The following GARRE1 variants were observed in gnomAD, a reference collection of about 807,000 sequenced individuals.
The protein encoded by GARRE1 is granule associated Rac and RHOG effector protein 1.
A neutral mutation model predicts 103.2 loss-of-function variants in GARRE1; 49 were observed. That is an observed-to-expected ratio of 0.47 (90% CI 0.38 to 0.60). The LOEUF (loss-of-function observed/expected upper bound fraction) is 0.60. GARRE1 is among the 20% of genes least tolerant of loss of function. The pLI is 0.00. For missense variants in GARRE1, 1,199 were observed against 1,370.5 expected, an observed-to-expected ratio of 0.87 and a Z score of 1.98; for synonymous variants, 505 against 532.8, an observed-to-expected ratio of 0.95 and a Z score of 0.72.
intron 10 of GARRE1, among the ~76,000 whole-genome samples, chr19:34,343,042 A>G (rs2074194637): frequency 6.6e-6 from 1 of 152,244 alleles, no homozygotes; most frequent in African/African-American, 2.4e-5. Context: ...AGAAAGAAAA[A>G]TAGAGTAGAA....
Position 34,355,176 on chromosome 19 carries a change from C to T in GARRE1, c.*2221C>T, listed in dbSNP as rs1292326764. The T allele has an allele frequency of 6.5e-6, 1 of 152,676 alleles. No homozygotes were observed. The highest frequency in any genetic ancestry group is 1.5e-5 in the Non-Finnish European group (1 of 68,050). 9.5% of individuals were successfully genotyped at this position (152,676 alleles called of 1,614,324 possible). A position where few individuals can be genotyped will look rare whatever the true frequency, so the allele number is the denominator to read the frequency against. On this transcript the variant is annotated 3_prime_UTR_variant, in exon 14 of 14. Coordinates refer to ENST00000299505, the MANE Select transcript of GARRE1 (RefSeq NM_014686.5). ...CAGAGGTCAATCCTTGATGCTCCAG[C>T]ACAGGTGACGTCACTAATTGTCACT...
At chr19:34,343,125 A>C (rs565703789) in intron 10 of GARRE1, among the ~76,000 whole-genome samples, 1 of 152,350 alleles carries the variant, frequency 6.6e-6, no homozygotes, top group African/African-American at 2.4e-5. Context: ...AGCTTGATTA[A>C]GGGAGAACAA....
chr19:34,265,588 T>C (rs1431240871), intron 1 of GARRE1: 3 of 152,226 alleles, frequency 2.0e-5, no homozygotes, highest in African/African-American at 7.2e-5. Context: ...GTTTGTTGCC[T>C]GGACTTGGGA....
chr19:34,321,461 G>GT (rs943139006), intron 3 of GARRE1, among the ~76,000 whole-genome samples: 242 of 141,866 alleles, frequency 1.7e-3, no homozygotes, highest in Admixed American at 1.3e-3. Flanking sequence ...ACTTCATGAA[G>GT]TTTTTTTTTT....
At chr19:34,276,337 C>T (rs1360447999) in intron 1 of GARRE1, among the ~76,000 whole-genome samples, 1 of 152,144 alleles carries the variant, frequency 6.6e-6, no homozygotes, top group Non-Finnish European at 1.5e-5. Flanking sequence ...GCACCTGTGC[C>T]CAGCCCATCC....
chr19:34,281,197 T>A (rs1352445582), intron 1 of GARRE1, among the ~76,000 whole-genome samples: 1 of 152,192 alleles, frequency 6.6e-6, no homozygotes, highest in Non-Finnish European at 1.5e-5. Flanking sequence ...GTTGGCTCAC[T>A]GCAGCCTCCA....
rs147146120 is a variant in GARRE1, at chr19:34,327,486, C to G, written c.771C>G (p.Leu257=). Reference sequence around the variant, plus strand: ...TGGCAGGAATTGAAGTTCAACAACTCTTTTGTTCTCAAAGTGCAGCAATTC... The same window carrying G: ...TGGCAGGAATTGAAGTTCAACAACTGTTTTGTTCTCAAAGTGCAGCAATTC... ...GCLAGIEVQQ[L]FCSQSAAIPE... is the part of the protein sequence containing the mutation. Residue 257 remains leucine (L), a synonymous_variant, in exon 4 of 14, where the codon CTC becomes CTG. Transcript: ENST00000299505. The G allele has an allele frequency of 1.2e-6, 2 of 1,614,074 alleles. No individual in the cohort carries two copies. The highest frequency in any genetic ancestry group is 8.5e-7 in the Non-Finnish European group (1 of 1,179,962).
chr19:34,256,485 G>A (rs925832765), intron 1 of GARRE1, among the ~76,000 whole-genome samples: 33 of 149,348 alleles, frequency 2.2e-4, no homozygotes, highest in Non-Finnish European at 3.0e-4. Flanking sequence ...GTGCCACTGC[G>A]CTCCAGCCTG....
chr19:34,349,946 C>G (rs1238249761), intron 12 of GARRE1, among the ~76,000 whole-genome samples: 1 of 152,160 alleles, frequency 6.6e-6, no homozygotes, highest in Non-Finnish European at 1.5e-5. Flanking sequence ...GTAGTCCCAG[C>G]TACTCGGGAG....
rs756879155 is a variant in GARRE1 at position 34,342,056 on chromosome 19, C to G, written c.2122C>G (p.His708Asp). 112 of 1,614,028 alleles carry G rather than the reference C, an allele frequency of 6.9e-5. No individual in the cohort carries two copies. The highest frequency in any genetic ancestry group is 9.2e-5 in the Non-Finnish European group (109 of 1,180,050). The change falls in exon 10 of 14, where the codon CAC (histidine) becomes GAC (aspartate). Residue 708 changes from histidine (H) to aspartate (D), a missense_variant. By Grantham distance (81) the His-to-Asp change is moderately conservative. Coordinates refer to ENST00000299505, the MANE Select transcript of GARRE1 (RefSeq NM_014686.5). ...PPPRAPQAGAHTPLTPQPGLA... is the reference protein window; with the variant it reads ...PPPRAPQAGADTPLTPQPGLA... ...ACCACGGGCACCCCAGGCTGGGGCACACACACCTCTGACACCCCAGCCGGG... is the reference window on the plus strand; with the variant it reads ...ACCACGGGCACCCCAGGCTGGGGCAGACACACCTCTGACACCCCAGCCGGG...
At chr19:34,262,081 T>A (rs945835067) in intron 1 of GARRE1, among the ~76,000 whole-genome samples, 7 of 151,676 alleles carry the variant, frequency 4.6e-5, no homozygotes, top group Non-Finnish European at 8.8e-5. Flanking sequence ...CCTCCCTGGG[T>A]TCAAGCGATT....
intron 1 of GARRE1, among the ~76,000 whole-genome samples, chr19:34,289,964 A>G (rs2073908455): frequency 6.6e-6 from 1 of 152,184 alleles, no homozygotes; most frequent in Admixed American, 6.5e-5. Context: ...CTTAACATTC[A>G]CAGATGCTGG....
In GARRE1 at chr19:34,307,817, T is replaced by C. The variant is rs868418543; in HGVS notation, c.495+6849T>C. Among the ~76,000 whole-genome samples the C allele has an allele frequency of 1.5e-3, 158 of 102,708 alleles. 4 individuals are homozygous for C. The highest frequency in any genetic ancestry group is 2.5e-3 in the Non-Finnish European group (120 of 47,458). The allele number at this position is 102,708 out of a possible 152,430, so 67.4% of individuals were successfully genotyped here. ...TAAAAAAAAAATATATATATATATT[T>C]TTTTTTTTTTTTAGAGATTAGGCCT... On this transcript the variant is annotated intron_variant, in intron 2 of 13. Transcript: ENST00000299505.
Position 34,341,661 on chromosome 19 carries a change from A to G in GARRE1, c.1727A>G (p.Glu576Gly). ...KNIFIAGCSE[E>G]KAKMPGNIDT... ...ATCTTCATAGCTGGATGTTCCGAAG[A>G]GAAGGCCAAAATGCCTGGCAATATT... The change falls in exon 10 of 14, where the codon GAG becomes GGG. Residue 576 changes from glutamate (E) to glycine (G), a missense_variant. By Grantham distance (98) the Glu-to-Gly change is moderately conservative (BLOSUM62 -2). Transcript: ENST00000299505. 6.2e-7 allele frequency: 1 copy of G among 1,614,238 alleles called. No homozygotes were observed. Among genetic ancestry groups the G allele is most frequent in the Non-Finnish European group, 8.5e-7 (1 of 1,180,042 alleles).
intron 2 of GARRE1, among the ~76,000 whole-genome samples, chr19:34,301,982 C>CG (rs2073981748): frequency 2.0e-5 from 1 of 50,062 alleles, no homozygotes; most frequent in Non-Finnish European, 3.9e-5. Flanking sequence ...TGCGCCCAGC[C>CG]TTTTTTTTTT....
intron 1 of GARRE1, among the ~76,000 whole-genome samples, chr19:34,287,351 C>T (rs1200443574): frequency 6.6e-6 from 1 of 152,046 alleles, no homozygotes; most frequent in Non-Finnish European, 1.5e-5. Context: ...GAGACAAGAT[C>T]TCACTATTTT....
intron 10 of GARRE1, among the ~76,000 whole-genome samples, chr19:34,343,287 T>G (rs1289422070): frequency 6.6e-6 from 1 of 151,794 alleles, no homozygotes; most frequent in Non-Finnish European, 1.5e-5. Context: ...AACCCTCATC[T>G]CTACTAAAAA....
At chr19:34,293,410 T>C (rs1415598110) in intron 1 of GARRE1, among the ~76,000 whole-genome samples, 1 of 151,758 alleles carries the variant, frequency 6.6e-6, no homozygotes, top group Admixed American at 6.6e-5. Context: ...AGCATTTTTT[T>C]TTTTTTAAAG....
intron 7 of GARRE1, among the ~76,000 whole-genome samples, chr19:34,330,973 C>G (rs1460504435): frequency 6.6e-6 from 1 of 150,866 alleles, no homozygotes; most frequent in African/African-American, 2.4e-5. Flanking sequence ...GATCTCAGCT[C>G]ACCACAACCT....
Sources: gnomAD v4.1 joint callset for allele counts (sites outside exome capture counted in the v4.1 genomes callset) on GRCh38, gnomAD v4.1.1 for gene constraint, MANE v1.5 for transcripts, NCBI Gene and HGNC (gene_info 2026-07-23, HGNC 2026-07-21) for gene names.